Variants in NCOA3 observed in about 807,000 individuals in gnomAD.
NCOA3 encodes the protein nuclear receptor coactivator 3.
NCOA3 carries 51 observed loss-of-function variants against 158.8 expected under a neutral mutation model. That is an observed-to-expected ratio of 0.32 (90% CI 0.26 to 0.41). The LOEUF is 0.41. NCOA3 is among the 10% of genes least tolerant of loss of function. NCOA3 has a pLI of 1.00. For missense variants in NCOA3, 1,510 were observed against 1,746.6 expected, an observed-to-expected ratio of 0.86 and a Z score of 2.41; for synonymous variants, 537 against 592.4, an observed-to-expected ratio of 0.91 and a Z score of 1.36.
At chr20:47,540,456 C>T (rs574959343) in intron 1 of NCOA3, among the ~76,000 whole-genome samples, 5 of 151,548 alleles carry the variant, frequency 3.3e-5, no homozygotes, top group South Asian at 4.2e-4. Context: ...GCCTGTAATC[C>T]GGCTACTTGA....
chr20:47,521,793 A>G (rs1424635929), intron 1 of NCOA3, among the ~76,000 whole-genome samples: 1 of 152,204 alleles, frequency 6.6e-6, no homozygotes, highest in East Asian at 1.9e-4. Context: ...CAGGCACCAT[A>G]CCATATAGAT....
Position 47,654,594 on chromosome 20 carries a change from C to T in NCOA3, c.*1177C>T, listed in dbSNP as rs2086844484. 1 of 152,498 alleles carries T rather than the reference C, an allele frequency of 6.6e-6. No individual in the cohort carries two copies. The allele number at this position is 152,498 out of a possible 1,614,324, so 9.4% of individuals were successfully genotyped here. A position where few individuals can be genotyped will look rare whatever the true frequency, so the allele number is the denominator to read the frequency against. ...TAGTGCTCCACAGCTTTTCCTTCCC[C>T]ACCCCCCAGCCTTAGATGCCTCGCT... On this transcript the variant is annotated 3_prime_UTR_variant, in exon 23 of 23. Transcript: ENST00000371998.
At chr20:47,580,671 A>C (rs2085439122) in intron 1 of NCOA3, among the ~76,000 whole-genome samples, 1 of 152,182 alleles carries the variant, frequency 6.6e-6, no homozygotes, top group African/African-American at 2.4e-5. Flanking sequence ...AAAACATAAG[A>C]GAACCATTTT....
At chr20:47,631,645 C>T (rs1396497823) in intron 8 of NCOA3, among the ~76,000 whole-genome samples, 1 of 152,140 alleles carries the variant, frequency 6.6e-6, no homozygotes, top group Non-Finnish European at 1.5e-5. Flanking sequence ...ATTAAGTGTA[C>T]AAAAATGTGA....
intron 2 of NCOA3, among the ~76,000 whole-genome samples, chr20:47,599,159 A>G (rs2085815641): frequency 6.6e-6 from 1 of 152,228 alleles, no homozygotes; most frequent in Admixed American, 6.5e-5. Context: ...CTCGTAATGT[A>G]TCCCTGTCAT....
At chr20:47,542,203 ATT>A (rs1277841840) in intron 1 of NCOA3, among the ~76,000 whole-genome samples, 17 of 139,504 alleles carry the variant, frequency 1.2e-4, no homozygotes, top group Non-Finnish European at 7.9e-5. Context: ...CTACATTAAA[ATT>A]TTTTTTTTTT....
chr20:47,578,307 TC>T (rs2085402819), intron 1 of NCOA3, among the ~76,000 whole-genome samples: 2 of 152,190 alleles, frequency 1.3e-5, no homozygotes. Context: ...TGCCTCGGCC[TC>T]CCGAGTAGCT....
intron 1 of NCOA3, among the ~76,000 whole-genome samples, chr20:47,532,624 C>T (rs907475594): frequency 1.5e-4 from 23 of 152,014 alleles, no homozygotes; most frequent in Admixed American, 1.2e-3. Flanking sequence ...AGTGTTAAGA[C>T]GTGCAGCTAA....
chr20:47,641,446 A>G (rs760067379), intron 16 of NCOA3, among the ~76,000 whole-genome samples: 1 of 145,862 alleles, frequency 6.9e-6, no homozygotes, highest in Non-Finnish European at 1.5e-5. Context: ...CTACCTCCCA[A>G]AGTTCTGGGA....
Position 47,592,073 on chromosome 20 carries a change from G to A in NCOA3, c.-20+8812G>A, listed in dbSNP as rs6012220. Among the ~76,000 whole-genome samples, 1,150 of 152,082 alleles carry A rather than the reference G, an allele frequency of 7.6e-3. 22 individuals carry two copies. Among genetic ancestry groups the A allele is most frequent in the African/African-American group, 0.026 (1,059 of 41,502 alleles). The stretch of plus-strand genomic sequence containing the variant: ...TTCTTTTGTTTTGAGGTGGAGTTTC[G>A]TTCTTGTACCCCAGGCTGGAGTGCA... On this transcript the variant is annotated intron_variant, in intron 2 of 22. Coordinates refer to ENST00000371998, the MANE Select transcript of NCOA3 (RefSeq NM_181659.3).
chr20:47,640,888 T>TAA (rs3092259), intron 16 of NCOA3, among the ~76,000 whole-genome samples: 11 of 143,016 alleles, frequency 7.7e-5, no homozygotes, highest in Non-Finnish European at 9.2e-5. Context: ...ACTCCGTCTC[T>TAA]AAAAAAAAAA....
chr20:47,646,603 A>T (rs544300528), intron 17 of NCOA3, among the ~76,000 whole-genome samples: 11 of 152,382 alleles, frequency 7.2e-5, no homozygotes, highest in Admixed American at 2.6e-4. Flanking sequence ...GCACCTAAGT[A>T]GAAAATATAT....
chr20:47,533,538 A>C (rs760351676), intron 1 of NCOA3, among the ~76,000 whole-genome samples: 19 of 152,038 alleles, frequency 1.2e-4, no homozygotes, highest in Admixed American at 3.3e-4. Context: ...TATACAGTAT[A>C]TGGGTTTAGC....
intron 1 of NCOA3, among the ~76,000 whole-genome samples, chr20:47,511,550 T>TATATATATATATATATACACACATACAC: frequency 7.7e-5 from 4 of 52,266 alleles, no homozygotes; most frequent in East Asian, 8.5e-4. Flanking sequence ...TATATATATA[T>TATATATATATATATATACACACATACAC]ATATATTTCT....
intron 2 of NCOA3, among the ~76,000 whole-genome samples, chr20:47,591,745 C>CCT (rs1568709025): frequency 6.9e-6 from 1 of 144,658 alleles, no homozygotes; most frequent in Non-Finnish European, 1.5e-5. Flanking sequence ...ACCTCCTCCC[C>CCT]TTTTTTTTTT....
intron 1 of NCOA3, among the ~76,000 whole-genome samples, chr20:47,580,762 A>G (rs2085440332): frequency 6.6e-6 from 1 of 152,102 alleles, no homozygotes; most frequent in Admixed American, 6.6e-5. Flanking sequence ...TTCTCCGTTC[A>G]TCTTACACGA....
chr20:47,630,103 T>C (rs2086388505), intron 8 of NCOA3, among the ~76,000 whole-genome samples: 1 of 152,350 alleles, frequency 6.6e-6, no homozygotes, highest in South Asian at 2.1e-4. Context: ...GTATTTGTCA[T>C]GTGGCCCAGG....
At chr20:47,646,396 G>A (rs1568754231) in intron 17 of NCOA3, among the ~76,000 whole-genome samples, 1 of 152,190 alleles carries the variant, frequency 6.6e-6, no homozygotes, top group Non-Finnish European at 1.5e-5. Flanking sequence ...ATATAGTAGG[G>A]TAGGTTGGAG....
Position 47,653,258 on chromosome 20 carries a change from G to A in NCOA3, c.4264-148G>A, listed in dbSNP as rs2086825354. 4 of 1,172,046 alleles carry A rather than the reference G, an allele frequency of 3.4e-6. 1 individual carries two copies. The highest frequency in any genetic ancestry group is 3.1e-5 in the South Asian group (2 of 65,158). 72.6% of individuals were successfully genotyped at this position (1,172,046 alleles called of 1,614,324 possible). On this transcript the variant is annotated intron_variant, in intron 22 of 22. Coordinates refer to ENST00000371998, the MANE Select transcript of NCOA3 (RefSeq NM_181659.3). ...TAGATACTTTTGGTAAGCCAGAGCTGCATTGTAAGATGGGATCTCAGGAAC... is the reference window on the plus strand; with the variant it reads ...TAGATACTTTTGGTAAGCCAGAGCTACATTGTAAGATGGGATCTCAGGAAC...
Sources: gnomAD v4.1 joint callset for allele counts (sites outside exome capture counted in the v4.1 genomes callset) on GRCh38, gnomAD v4.1.1 for gene constraint, MANE v1.5 for transcripts, NCBI Gene and HGNC (gene_info 2026-07-23, HGNC 2026-07-21) for gene names.